The following SPATA31D1 variants were observed in gnomAD, a reference collection of about 807,000 sequenced individuals.
SPATA31D1 encodes the protein spermatogenesis-associated protein 31D1.
A neutral mutation model predicts 13.2 loss-of-function variants in SPATA31D1; 6 were observed. That is an observed-to-expected ratio of 0.46 (90% CI 0.25 to 0.90). The LOEUF (loss-of-function observed/expected upper bound fraction) is 0.90, where lower values mean the gene tolerates loss of function less well. Ranked by LOEUF, SPATA31D1 falls within the 40% of genes least tolerant of loss-of-function variation. SPATA31D1 has a pLI of 0.18. For missense variants in SPATA31D1, 2,445 were observed against 1,884.7 expected, an observed-to-expected ratio of 1.30 and a Z score of -5.50; for synonymous variants, 903 against 718.8, an observed-to-expected ratio of 1.26 and a Z score of -4.10.
chr9:81,992,691 A>C lies in SPATA31D1; in HGVS notation c.2221A>C (p.Arg741=), dbSNP rs1302886762. The change falls in exon 4 of 4, where the codon AGG becomes CGG. Residue 741 remains arginine (R), a synonymous_variant. Transcript: ENST00000344803. The part of the protein sequence containing the change: ...PLNISLVEGQ[R]CNVLKKSASS... ...AAATATCTCTTTGGTTGAGGGTCAG[A>C]GGTGCAATGTTCTAAAGAAGTCCGC... 6.2e-7 allele frequency: 1 copy of C among 1,613,708 alleles called. No homozygotes were observed. Among genetic ancestry groups the C allele is most frequent in the African/African-American group, 1.3e-5 (1 of 74,938 alleles).
intron 3 of SPATA31D1, 53 bp downstream of exon 3, chr9:81,990,539 G>A (rs1824931432): frequency 8.6e-6 from 13 of 1,515,040 alleles, no homozygotes; most frequent in Admixed American, 2.0e-5. Flanking sequence ...TTCTTCTTTA[G>A]TACGTTCTAT....
chr9:81,994,814 T>C lies in SPATA31D1; in HGVS notation c.4344T>C (p.His1448=), dbSNP rs762266062. 8 of 1,613,810 alleles carry C rather than the reference T, an allele frequency of 5.0e-6. No homozygotes were observed. The Admixed American group carries it at 1.3e-4, about 27-fold the overall frequency. The change falls in exon 4 of 4, where the codon CAT becomes CAC. Residue 1448 remains histidine (H), a synonymous_variant. Coordinates refer to ENST00000344803, the MANE Select transcript of SPATA31D1 (RefSeq NM_001001670.3). ...AAGCTCAGCACAACCCAGAAGTGCA[T>C]GTCAGAGCAGAGCCTGTCCAGGGCT... ...LGKAQHNPEV[H]VRAEPVQGCP... is the part of the protein sequence containing the mutation.
At position 81,991,569 on chromosome 9, in the gene SPATA31D1, T is replaced by A. The variant is rs1485979558; in HGVS notation, c.1099T>A (p.Phe367Ile). The A allele has an allele frequency of 6.2e-7, 1 of 1,613,982 alleles. No homozygotes were observed. Among genetic ancestry groups the A allele is most frequent in the Admixed American group, 1.7e-5 (1 of 60,026 alleles). ...TWWQPHAKDS[F>I]SSNFVPSDFM... ...GTGGCAGCCTCATGCCAAGGACTCTTTTTCCTCTAATTTTGTGCCATCTGA... is the reference window on the plus strand; with the variant it reads ...GTGGCAGCCTCATGCCAAGGACTCTATTTCCTCTAATTTTGTGCCATCTGA... The change falls in exon 4 of 4, where the codon TTT becomes ATT. Residue 367 changes from phenylalanine to isoleucine, a missense_variant. Physicochemically the swap from Phe to Ile is conservative, Grantham distance 21. Coordinates refer to ENST00000344803, the MANE Select transcript of SPATA31D1 (RefSeq NM_001001670.3).
Position 81,992,642 on chromosome 9 carries a change from G to T in SPATA31D1, c.2172G>T (p.Val724=), listed in dbSNP as rs748212998. ...RPQSKISELS[V]SERIHGPLNI... ...AGAGCAAAATTTCAGAGCTATCTGT[G>T]TCAGAGAGAATTCATGGACCGTTAA... The change falls in exon 4 of 4, where the codon GTG becomes GTT. Residue 724 remains valine, a synonymous_variant. Coordinates refer to ENST00000344803, the MANE Select transcript of SPATA31D1 (RefSeq NM_001001670.3). The T allele has an allele frequency of 5.6e-6, 9 of 1,613,632 alleles. No homozygotes were observed. The highest frequency in any genetic ancestry group is 1.7e-5 in the Admixed American group (1 of 60,002).
At position 81,992,439 on chromosome 9, in the gene SPATA31D1, C is replaced by G. The variant is rs527382695; in HGVS notation, c.1969C>G (p.Pro657Ala). 1 of 1,612,720 alleles carries G rather than the reference C, an allele frequency of 6.2e-7. No homozygotes were observed. The highest frequency in any genetic ancestry group is 8.5e-7 in the Non-Finnish European group (1 of 1,179,746). The change falls in exon 4 of 4, where the codon CCT becomes GCT. Residue 657 changes from proline to alanine, a missense_variant. By Grantham distance (27) the Pro-to-Ala change is conservative (BLOSUM62 -1). Coordinates refer to ENST00000344803, the MANE Select transcript of SPATA31D1 (RefSeq NM_001001670.3). ...AGACTTTTGTCCTCCAGCTCCCAAT[C>G]CTGAATTGGTCAGAAAGTCCTTCAA... is the stretch of plus-strand genomic sequence containing the variant. The part of the protein sequence containing the change: ...QEDFCPPAPN[P>A]ELVRKSFKVH...
rs369250578 is a variant in SPATA31D1, at chr9:81,993,539, A to G, written c.3069A>G (p.Thr1023=). Residue 1023 remains threonine (T), a synonymous_variant, in exon 4 of 4, where the codon ACA becomes ACG. Transcript: ENST00000344803. The part of the protein sequence containing the change: ...IETDSKDGAS[T]SLRRGTTDFQ... ...CAGATTCCAAAGACGGGGCCTCCAC[A>G]TCCCTTAGAAGAGGTACTACAGATT... 45 of 1,613,732 alleles carry G rather than the reference A, an allele frequency of 2.8e-5. 1 individual carries two copies. Among genetic ancestry groups the G allele is most frequent in the Non-Finnish European group, 3.8e-5 (45 of 1,179,854 alleles).
Position 81,992,636 on chromosome 9 carries a change from A to G in SPATA31D1, c.2166A>G (p.Leu722=), listed in dbSNP as rs376003108. Residue 722 remains leucine, a synonymous_variant, in exon 4 of 4, where the codon CTA becomes CTG. Transcript: ENST00000344803. ...LLRPQSKISE[L]SVSERIHGPL... ...GTCCTCAGAGCAAAATTTCAGAGCT[A>G]TCTGTGTCAGAGAGAATTCATGGAC... The G allele has an allele frequency of 1.1e-5, 18 of 1,613,590 alleles. No individual in the cohort carries two copies. The highest frequency in any genetic ancestry group is 4.5e-5 in the East Asian group (2 of 44,892).
At position 81,992,037 on chromosome 9, in the gene SPATA31D1, C is replaced by T. The variant is rs765179506; in HGVS notation, c.1567C>T (p.Arg523Cys). The stretch of plus-strand genomic sequence containing the variant: ...TCTGCATCCTACTGTTCTTGTCCAA[C>T]GTGGCCATTCCTCCATGTTTGTATT... Reference protein sequence around the residue: ...ESLHPTVLVQRGHSSMFVFFN... With the variant: ...ESLHPTVLVQCGHSSMFVFFN... The change falls in exon 4 of 4, where the codon CGT (arginine) becomes TGT (cysteine). Residue 523 changes from arginine (R) to cysteine (C), a missense_variant. By Grantham distance (180) the Arg-to-Cys change is radical. Coordinates refer to ENST00000344803, the MANE Select transcript of SPATA31D1 (RefSeq NM_001001670.3). 2.2e-5 allele frequency: 36 copies of T among 1,613,672 alleles called. No homozygotes were observed. In the Middle Eastern group the frequency reaches 1.3e-3, roughly 59 times the overall value.
At position 81,994,790 on chromosome 9, in the gene SPATA31D1, A is replaced by G. The variant is rs1357325295; in HGVS notation, c.4320A>G (p.Lys1440=). 6 of 1,613,946 alleles carry G rather than the reference A, an allele frequency of 3.7e-6. No homozygotes were observed. The highest frequency in any genetic ancestry group is 5.1e-6 in the Non-Finnish European group (6 of 1,179,878). ...EPLSFPVGLG[K]AQHNPEVHVR... ...TTTCCTTCCCAGTGGGGCTTGGGAA[A>G]GCTCAGCACAACCCAGAAGTGCATG... The change falls in exon 4 of 4, where the codon AAA becomes AAG. Residue 1440 remains lysine, a synonymous_variant. Coordinates refer to ENST00000344803, the MANE Select transcript of SPATA31D1 (RefSeq NM_001001670.3).
Position 81,993,361 on chromosome 9 carries a change from G to T in SPATA31D1, c.2891G>T (p.Arg964Leu), listed in dbSNP as rs367962212. The T allele has an allele frequency of 6.2e-7, 1 of 1,613,834 alleles. No homozygotes were observed. Among genetic ancestry groups the T allele is most frequent in the Non-Finnish European group, 8.5e-7 (1 of 1,179,864 alleles). ...GDSKDGVSKS[R>L]SRSTFQGEKL... ...TCCAAAGATGGGGTCTCTAAGTCCC[G>T]TAGTCGAAGCACTTTTCAAGGAGAA... is the stretch of plus-strand genomic sequence containing the variant. Residue 964 changes from arginine to leucine, a missense_variant, in exon 4 of 4, where the codon CGT (arginine) becomes CTT (leucine). Arg to Leu is a moderately radical substitution (Grantham distance 102, BLOSUM62 -2). Transcript: ENST00000344803.
chr9:81,993,410 C>A lies in SPATA31D1; in HGVS notation c.2940C>A (p.Val980=). 6.2e-7 allele frequency: 1 copy of A among 1,613,960 alleles called. No individual in the cohort carries two copies. Among genetic ancestry groups the A allele is most frequent in the Non-Finnish European group, 8.5e-7 (1 of 1,179,902 alleles). Residue 980 remains valine (V), a synonymous_variant, in exon 4 of 4, where the codon GTC becomes GTA. Transcript: ENST00000344803. ...QGEKLGTTSS[V]PILDRPHPVS... ...AAAAGTTGGGAACAACAAGCTCAGT[C>A]CCCATCCTTGATCGTCCTCACCCTG... is the stretch of plus-strand genomic sequence containing the variant.
Position 81,994,651 on chromosome 9 carries a change from C to T in SPATA31D1, c.4181C>T (p.Ala1394Val). The T allele has an allele frequency of 1.2e-6, 2 of 1,613,440 alleles. No homozygotes were observed. The highest frequency in any genetic ancestry group is 1.7e-6 in the Non-Finnish European group (2 of 1,179,612). ...CAGAATATTGGTCGAGTTATAAGAG[C>T]TGCCTTTACTGGGACTACTGAAGCT... is the stretch of plus-strand genomic sequence containing the variant. ...CVQNIGRVIR[A>V]AFTGTTEAQK... Residue 1394 changes from alanine to valine, a missense_variant, in exon 4 of 4, where the codon GCT (alanine) becomes GTT (valine). Physicochemically the swap from Ala to Val is moderately conservative, Grantham distance 64 (BLOSUM62 0). Transcript: ENST00000344803.
In SPATA31D1 at chr9:81,993,832, G is replaced by A; in HGVS notation, c.3362G>A (p.Gly1121Glu). The change falls in exon 4 of 4, where the codon GGA becomes GAA. Residue 1121 changes from glycine (G) to glutamate (E), a missense_variant. Coordinates refer to ENST00000344803, the MANE Select transcript of SPATA31D1 (RefSeq NM_001001670.3). The stretch of plus-strand genomic sequence containing the variant: ...GCAGAGCTGCCCATAATGCAAGCTG[G>A]AGCTGGCTGTGAGTCATGGGATAAG... Reference protein sequence around the residue: ...CSAELPIMQAGAGCESWDKRK... With the variant: ...CSAELPIMQAEAGCESWDKRK... The A allele has an allele frequency of 6.2e-7, 1 of 1,613,990 alleles. No individual in the cohort carries two copies. Among genetic ancestry groups the A allele is most frequent in the African/African-American group, 1.3e-5 (1 of 75,048 alleles).
chr9:81,993,548 A>G lies in SPATA31D1; in HGVS notation c.3078A>G (p.Arg1026=), dbSNP rs1238046987. The G allele has an allele frequency of 6.2e-7, 1 of 1,613,588 alleles. No individual in the cohort carries two copies. The highest frequency in any genetic ancestry group is 1.3e-5 in the African/African-American group (1 of 74,816). ...DSKDGASTSL[R]RGTTDFQSEK... is the part of the protein sequence containing the mutation. ...AAGACGGGGCCTCCACATCCCTTAG[A>G]AGAGGTACTACAGATTTTCAAAGCG... is the stretch of plus-strand genomic sequence containing the variant. Residue 1026 remains arginine, a synonymous_variant, in exon 4 of 4, where the codon AGA becomes AGG. Transcript: ENST00000344803.
At chr9:81,989,149 T>A in intron 1 of SPATA31D1, 145 bp downstream of exon 1, 4 of 1,311,706 alleles carry the variant, frequency 3.0e-6, no homozygotes, top group Non-Finnish European at 3.1e-6. Flanking sequence ...CACTCTTCTA[T>A]GGAAGAGGTT....
Position 81,992,090 on chromosome 9 carries a change from A to G in SPATA31D1, c.1620A>G (p.Ile540Met), listed in dbSNP as rs755438566. The G allele has an allele frequency of 2.7e-5, 44 of 1,613,458 alleles. No individual in the cohort carries two copies. Among genetic ancestry groups the G allele is most frequent in the South Asian group, 2.5e-4 (23 of 91,060 alleles). ...VFFNGITNTS[I>M]SHESPVLPPP... ...TCAATGGCATTACAAATACATCTAT[A>G]TCCCATGAATCCCCAGTACTTCCCC... is the stretch of plus-strand genomic sequence containing the variant. Residue 540 changes from isoleucine (I) to methionine (M), a missense_variant, in exon 4 of 4, where the codon ATA becomes ATG. By Grantham distance (10) the Ile-to-Met change is conservative. Transcript: ENST00000344803.
At position 81,991,236 on chromosome 9, in the gene SPATA31D1, G is replaced by A. The variant is rs746633707; in HGVS notation, c.766G>A (p.Val256Met). The A allele has an allele frequency of 6.8e-6, 11 of 1,613,964 alleles. No individual in the cohort carries two copies. In the African/African-American group the frequency reaches 1.2e-4, roughly 18 times the overall value. ...PLLPPHHIER[V>M]ESSLQPEASL... ...TCTCCCACCACATCACATTGAGAGA[G>A]TGGAGTCCAGCCTCCAACCTGAAGC... The change falls in exon 4 of 4, where the codon GTG becomes ATG. Residue 256 changes from valine (V) to methionine (M), a missense_variant. By Grantham distance (21) the Val-to-Met change is conservative. Coordinates refer to ENST00000344803, the MANE Select transcript of SPATA31D1 (RefSeq NM_001001670.3).
At position 81,991,935 on chromosome 9, in the gene SPATA31D1, T is replaced by C; in HGVS notation, c.1465T>C (p.Ser489Pro). The C allele has an allele frequency of 6.2e-7, 1 of 1,613,788 alleles. No homozygotes were observed. ...GCACATCCATCAGCAGCCTCCACAC[T>C]CTAAATGCTTTGAAGACCATTTAGA... ...WQHIHQQPPH[S>P]KCFEDHLEQK... is the part of the protein sequence containing the mutation. Residue 489 changes from serine to proline, a missense_variant, in exon 4 of 4, where the codon TCT becomes CCT. Physicochemically the swap from Ser to Pro is moderately conservative, Grantham distance 74. Coordinates refer to ENST00000344803, the MANE Select transcript of SPATA31D1 (RefSeq NM_001001670.3).
rs534354831 is a variant in SPATA31D1 at position 81,990,826 on chromosome 9, A to T, written c.356A>T (p.His119Leu). 1.1e-4 allele frequency: 182 copies of T among 1,613,716 alleles called. No individual in the cohort carries two copies. Among genetic ancestry groups the T allele is most frequent in the Non-Finnish European group, 2.6e-5 (31 of 1,179,794 alleles). ...SPRGQHHDTN[H>L]FRRLLCPDPV... ...CGGGGCCAGCATCATGATACCAACC[A>T]CTTTCGTCGACTGTTATGCCCAGAC... Residue 119 changes from histidine to leucine, a missense_variant, in exon 4 of 4, where the codon CAC becomes CTC. Physicochemically the swap from His to Leu is moderately conservative, Grantham distance 99. Transcript: ENST00000344803.
Sources: allele counts gnomAD v4.1 joint callset, GRCh38; gene constraint gnomAD v4.1.1; transcripts MANE v1.5; gene names NCBI Gene and HGNC (gene_info 2026-07-23, HGNC 2026-07-21).